CD33: variants seen among roughly 807,000 people sequenced by gnomAD.
CD33 encodes CD33 molecule, also known as myeloid cell surface antigen CD33.
In CD33, 25 loss-of-function variants were observed where a neutral mutation model predicts 31.4. That is an observed-to-expected ratio of 0.80 (90% CI 0.58 to 1.11). CD33 has a LOEUF of 1.11. CD33 is among the 50% of genes most tolerant of loss of function. CD33 has a pLI of 0.00. For missense variants in CD33, 407 were observed against 448.1 expected, an observed-to-expected ratio of 0.91 and a Z score of 0.83; for synonymous variants, 176 against 180.6, an observed-to-expected ratio of 0.97 and a Z score of 0.20.
intron 4 of CD33, 82 bp from the exon 5 acceptor site, chr19:51,235,075 C>T (rs1981678774): frequency 1.7e-6 from 2 of 1,143,304 alleles, no homozygotes; most frequent in South Asian, 1.3e-5. Flanking sequence ...GGTGAAGTCA[C>T]CCCTCTCTAC....
Position 51,225,905 on chromosome 19 carries a change from C to T in CD33, c.521C>T (p.Pro174Leu). The T allele has an allele frequency of 6.2e-7, 1 of 1,614,044 alleles. No homozygotes were observed. The highest frequency in any genetic ancestry group is 8.5e-7 in the Non-Finnish European group (1 of 1,180,014). Reference sequence around the variant, plus strand: ...TCCTGGGCCTGTGAGCAGGGAACACCCCCGATCTTCTCCTGGTTGTCAGCT... The same window carrying T: ...TCCTGGGCCTGTGAGCAGGGAACACTCCCGATCTTCTCCTGGTTGTCAGCT... The part of the protein sequence containing the change: ...SVSWACEQGT[P>L]PIFSWLSAAP... Residue 174 changes from proline (P) to leucine (L), a missense_variant, in exon 3 of 7, where the codon CCC becomes CTC. Physicochemically the swap from Pro to Leu is moderately conservative, Grantham distance 98 (BLOSUM62 -3). Coordinates refer to ENST00000262262, the MANE Select transcript of CD33 (RefSeq NM_001772.4).
chr19:51,235,655 T>A lies in CD33; in HGVS notation c.903T>A (p.Pro301=). 6.2e-7 allele frequency: 1 copy of A among 1,613,828 alleles called. No individual in the cohort carries two copies. Residue 301 remains proline (P), a synonymous_variant, in exon 6 of 7, where the codon CCT becomes CCA. Coordinates refer to ENST00000262262, the MANE Select transcript of CD33 (RefSeq NM_001772.4). Reference sequence around the variant, plus strand: ...CAGTGGGCAGGAATGACACCCACCCTACCACAGGGTCAGCCTCCCCGGTGA... The same window carrying A: ...CAGTGGGCAGGAATGACACCCACCCAACCACAGGGTCAGCCTCCCCGGTGA... ...RTAVGRNDTH[P]TTGSASPKHQ...
chr19:51,225,725 G>A, intron 2 of CD33, 78 bp from the exon 3 acceptor site: 1 of 1,549,014 alleles, frequency 6.5e-7, no homozygotes, highest in Non-Finnish European at 8.8e-7. Context: ...GGGGGAGCTT[G>A]ACCAGAGGTT....
the CD33 span, among the ~76,000 whole-genome samples, chr19:51,213,860 T>C: frequency 2.7e-5 from 4 of 148,310 alleles, no homozygotes; most frequent in African/African-American, 5.0e-5. Flanking sequence ...CTTTTTTTTT[T>C]TTTCCTTTTT....
upstream of CD33, among the ~76,000 whole-genome samples, chr19:51,223,156 G>A (rs531778015): frequency 6.6e-6 from 1 of 152,002 alleles, no homozygotes; most frequent in Non-Finnish European, 1.5e-5. Context: ...GGAGGTCAAG[G>A]CTGCAGTGAA....
At chr19:51,211,477 C>T in the CD33 span, 9 of 1,565,574 alleles carry the variant, frequency 5.7e-6, no homozygotes, top group Non-Finnish European at 7.8e-6. Context: ...CAACTGCTCC[C>T]TGAGCATCGT....
the CD33 span, among the ~76,000 whole-genome samples, chr19:51,219,095 C>G: frequency 1.3e-5 from 2 of 152,056 alleles, no homozygotes; most frequent in East Asian, 3.9e-4. Flanking sequence ...TGCATTGAAT[C>G]TGTAGATTGC....
chr19:51,219,360 A>G, the CD33 span, among the ~76,000 whole-genome samples: 4 of 152,198 alleles, frequency 2.6e-5, no homozygotes, highest in Non-Finnish European at 4.4e-5. Flanking sequence ...TGATTTTTGT[A>G]CATTGATTTT....
At chr19:51,219,951 G>T in the CD33 span, among the ~76,000 whole-genome samples, 1 of 152,042 alleles carries the variant, frequency 6.6e-6, no homozygotes, top group Non-Finnish European at 1.5e-5. Context: ...GGATTTTTGC[G>T]TCTATGTTCA....
At chr19:51,230,651 G>A (rs1258903485) in intron 4 of CD33, among the ~76,000 whole-genome samples, 14 of 152,138 alleles carry the variant, frequency 9.2e-5, no homozygotes, top group East Asian at 7.7e-4. Context: ...CTTGTAGTCC[G>A]TTTTGTCTGA....
At chr19:51,235,468 A>G in intron 5 of CD33, 127 bp from the exon 6 acceptor site, 4 of 1,453,030 alleles carry the variant, frequency 2.8e-6, no homozygotes, top group Non-Finnish European at 3.7e-6. Flanking sequence ...CCTTGTGACT[A>G]AGTCTTGTTT....
chr19:51,223,248 T>G (rs1411980594), upstream of CD33, among the ~76,000 whole-genome samples: 1 of 152,086 alleles, frequency 6.6e-6, no homozygotes, highest in African/African-American at 2.4e-5. Context: ...TGTATTGAAT[T>G]TTCTATTACG....
At chr19:51,211,531 G>A in the CD33 span, 18 of 1,527,786 alleles carry the variant, frequency 1.2e-5, no homozygotes, top group East Asian at 3.8e-4. Context: ...CTTTCGGATG[G>A]AGAGAGGAAG....
the CD33 span, chr19:51,211,843 A>AC: frequency 5.2e-6 from 6 of 1,148,282 alleles, 1 homozygote; most frequent in Non-Finnish European, 7.9e-6. Flanking sequence ...GAATCTGGCC[A>AC]CCCCAGGAAC....
upstream of CD33, among the ~76,000 whole-genome samples, chr19:51,221,033 C>T (rs979685741): frequency 2.6e-5 from 4 of 151,876 alleles, no homozygotes; most frequent in Admixed American, 6.6e-5. Context: ...AACAAAAGGC[C>T]CAATTTTGTG....
chr19:51,225,680 G>C (rs1188765430), intron 2 of CD33, 82 bp downstream of exon 2: 2 of 1,530,808 alleles, frequency 1.3e-6, no homozygotes, highest in Non-Finnish European at 1.8e-6. Flanking sequence ...CCTGGTACTG[G>C]GAGGGGTTTA....
chr19:51,235,074 A>AC, intron 4 of CD33, 83 bp from the exon 5 acceptor site: 2 of 1,112,994 alleles, frequency 1.8e-6, no homozygotes, highest in Non-Finnish European at 2.7e-6. Context: ...AGGTGAAGTC[A>AC]CCCCTCTCTA....
intron 6 of CD33, chr19:51,236,682 T>C (rs1016954706): frequency 6.6e-6 from 1 of 152,368 alleles, no homozygotes; most frequent in African/African-American, 2.4e-5. Context: ...ATCTCGCTGA[T>C]GGCACTCTTG....
At chr19:51,226,288 A>C (rs1340076008) in intron 3 of CD33, 21 bp from the exon 4 acceptor site, 1 of 1,611,864 alleles carries the variant, frequency 6.2e-7, no homozygotes, top group East Asian at 2.2e-5. Context: ...AACTGAAGGA[A>C]ATCCTCTCTT....
Sources: allele counts gnomAD v4.1 joint callset (sites outside exome capture counted in the v4.1 genomes callset), GRCh38; gene constraint gnomAD v4.1.1; transcripts MANE v1.5; gene names NCBI Gene and HGNC (gene_info 2026-07-23, HGNC 2026-07-21).